Variants in AR observed in about 807,000 individuals in gnomAD.
AR encodes dihydrotestosterone receptor.
Under a neutral mutation model 53.9 loss-of-function variants are expected in AR, and 8 were observed. The observed-to-expected ratio is 0.15, with a 90% confidence interval of 0.09 to 0.27. The LOEUF is 0.27. AR is among the 10% of genes least tolerant of loss of function. The pLI is 1.00. For synonymous variants in AR, 359 were observed against 316.4 expected (o/e 1.13, Z -1.43); for missense variants, 639 against 742.5 (o/e 0.86, Z 1.62).
At chrX:67,568,966 T>G in intron 1 of AR, 1 of 1,210,549 alleles carries the variant, frequency 8.3e-7, no homozygotes, top group Non-Finnish European at 1.1e-6. Flanking sequence ...GGGAAACGAA[T>G]GCAGAGTGCT....
chrX:67,700,261 G>A (rs535146849), intron 3 of AR, among the ~76,000 whole-genome samples: 1 of 111,747 alleles, frequency 8.9e-6, no homozygotes, highest in South Asian at 3.8e-4. Flanking sequence ...GTAAACCAAT[G>A]AGTCTCTGCC....
intron 2 of AR, among the ~76,000 whole-genome samples, chrX:67,663,664 AT>A (rs1927082862): frequency 9.0e-6 from 1 of 111,706 alleles, no homozygotes; most frequent in African/African-American, 3.3e-5. Context: ...GAATTTGAAT[AT>A]TGGCCTGCCT....
intron 3 of AR, among the ~76,000 whole-genome samples, chrX:67,701,478 AAACT>A (rs766532610): frequency 1.3e-4 from 14 of 111,966 alleles, no homozygotes; most frequent in Admixed American, 4.7e-4. Context: ...TTGAAAGGTT[AAACT>A]AACTAACGTC....
chrX:67,685,964 G>A (rs2075964245), intron 2 of AR, 46 bp from the exon 3 acceptor site: 2 of 1,207,446 alleles, frequency 1.7e-6, no homozygotes, highest in Non-Finnish European at 2.2e-6. Flanking sequence ...AAGAGACTCT[G>A]GAAACTCATT....
intron 4 of AR, among the ~76,000 whole-genome samples, chrX:67,716,281 T>C (rs921957449): frequency 9.8e-5 from 11 of 111,780 alleles, no homozygotes; most frequent in Admixed American, 4.8e-4. Flanking sequence ...ACTGCTATAA[T>C]TGGGTGAGGC....
At chrX:67,569,430 G>A (rs1921715979) in intron 1 of AR, among the ~76,000 whole-genome samples, 1 of 111,278 alleles carries the variant, frequency 9.0e-6, no homozygotes, top group Non-Finnish European at 1.9e-5. Context: ...GTATGTGATT[G>A]TGTACCAGGG....
At chrX:67,683,861 C>A (rs909621835) in intron 2 of AR, among the ~76,000 whole-genome samples, 3 of 109,635 alleles carry the variant, frequency 2.7e-5, no homozygotes, top group Non-Finnish European at 3.8e-5. Flanking sequence ...AGGAAATTAT[C>A]CGAGTTCCAA....
In AR at chrX:67,604,198, A is replaced by ATGTGTGTGTGTG. The variant is rs72092334; in HGVS notation, c.1617-39022_1617-39011dup. Among the ~76,000 whole-genome samples, 405 of 78,131 alleles carry ATGTGTGTGTGTG rather than the reference A, an allele frequency of 5.2e-3. 11 individuals are homozygous for ATGTGTGTGTGTG. Among genetic ancestry groups the ATGTGTGTGTGTG allele is most frequent in the African/African-American group, 0.019 (379 of 20,476 alleles). 67.8% of individuals were successfully genotyped at this position (78,131 alleles called of 115,157 possible). A position where few individuals can be genotyped will look rare whatever the true frequency, so the allele number is the denominator to read the frequency against. On this transcript the variant is annotated intron_variant, in intron 1 of 7. Transcript: ENST00000374690. ...AGAAGGTCAGAAGCTGGGGAGAAAT[A>ATGTGTGTGTGTG]TGTGTGTGTGTGTGTGTGTGTGTGT...
chrX:67,554,553 A>G (rs73532384), intron 1 of AR, among the ~76,000 whole-genome samples: 5,450 of 111,951 alleles, frequency 0.049, 355 homozygotes, highest in African/African-American at 0.17. Context: ...TGTCCTGATA[A>G]TTGTGAATTA....
chrX:67,705,821 T>TA (rs1404944824), intron 3 of AR, among the ~76,000 whole-genome samples: 1 of 111,695 alleles, frequency 9.0e-6, no homozygotes, highest in Non-Finnish European at 1.9e-5. Flanking sequence ...ATACGTCCCA[T>TA]CAATACCTAA....
At chrX:67,697,254 C>T (rs767795819) in intron 3 of AR, among the ~76,000 whole-genome samples, 1 of 111,549 alleles carries the variant, frequency 9.0e-6, no homozygotes, top group African/African-American at 3.3e-5. Flanking sequence ...CATTTCAGTC[C>T]TTGTGAAACT....
intron 2 of AR, among the ~76,000 whole-genome samples, chrX:67,665,104 G>T (rs777601843): frequency 2.7e-5 from 3 of 112,810 alleles, no homozygotes; most frequent in Admixed American, 9.3e-5. Flanking sequence ...CTCATGCTCG[G>T]TGCGCTGCAC....
At chrX:67,683,297 G>A (rs1195020574) in intron 2 of AR, among the ~76,000 whole-genome samples, 1 of 111,289 alleles carries the variant, frequency 9.0e-6, no homozygotes, top group African/African-American at 3.3e-5. Context: ...AAGAGACAAT[G>A]TTGCAATAAG....
chrX:67,715,474 G>T (rs1338484731), intron 4 of AR, among the ~76,000 whole-genome samples: 2 of 110,862 alleles, frequency 1.8e-5, no homozygotes, highest in Non-Finnish European at 3.8e-5. Flanking sequence ...CAGGGAAATG[G>T]GGCTATATGA....
At position 67,726,083 on chromosome X, in the gene AR, G is replaced by A. The variant is rs2076156594; in HGVS notation, c.*2242G>A. 5.7e-6 allele frequency: 1 copy of A among 174,139 alleles called. No individual in the cohort carries two copies. The highest frequency in any genetic ancestry group is 1.1e-5 in the Non-Finnish European group (1 of 91,482). The allele number at this position is 174,139 out of a possible 1,213,427, so 14.4% of individuals were successfully genotyped here. ...CTGAGTGACATGATATGATCCACAA[G>A]GGTTTCCTTCCCTGATTTCTGCATT... is the stretch of plus-strand genomic sequence containing the variant. On this transcript the variant is annotated 3_prime_UTR_variant, in exon 8 of 8. Transcript: ENST00000374690.
intron 3 of AR, chrX:67,694,775 A>G: frequency 6.1e-6 from 7 of 1,146,280 alleles, no homozygotes; most frequent in Non-Finnish European, 8.1e-6. Context: ...GCTCTAGTGG[A>G]TAGTCTGGAG....
chrX:67,597,877 G>C (rs980801382), intron 1 of AR, among the ~76,000 whole-genome samples: 1 of 111,972 alleles, frequency 8.9e-6, no homozygotes, highest in African/African-American at 3.2e-5. Context: ...TGTTGTTGTT[G>C]GAGGGGGTGG....
intron 2 of AR, among the ~76,000 whole-genome samples, chrX:67,683,945 G>T (rs1271802631): frequency 9.0e-6 from 1 of 111,493 alleles, no homozygotes; most frequent in Admixed American, 9.6e-5. Context: ...TTTCAGAAGG[G>T]CAATCTAGAA....
chrX:67,610,201 TGA>T (rs1389536109), intron 1 of AR, among the ~76,000 whole-genome samples: 1 of 111,189 alleles, frequency 9.0e-6, no homozygotes, highest in Non-Finnish European at 1.9e-5. Context: ...GCCTGGTGCT[TGA>T]GAGACCCAAA....
Sources: allele counts gnomAD v4.1 joint callset (sites outside exome capture counted in the v4.1 genomes callset), GRCh38; gene constraint gnomAD v4.1.1; transcripts MANE v1.5; gene names NCBI Gene and HGNC (gene_info 2026-07-23, HGNC 2026-07-21).